The following RIPOR2 variants were observed in gnomAD, a reference collection of about 807,000 sequenced individuals.
RIPOR2 encodes RHO family interacting cell polarization regulator 2.
A neutral mutation model predicts 114.5 loss-of-function variants in RIPOR2; 39 were observed. That is an observed-to-expected ratio of 0.34 (90% CI 0.26 to 0.44). The LOEUF is 0.44. Among genes scored for constraint, RIPOR2 ranks in the 20% least tolerant of loss-of-function variants. The probability of loss-of-function intolerance (pLI) is 1.00; values close to 1 mark genes in which losing one functional copy is unlikely to be tolerated. For missense variants in RIPOR2, 1,007 were observed against 1,255.1 expected, an observed-to-expected ratio of 0.80 and a Z score of 2.99; for synonymous variants, 445 against 484.4, an observed-to-expected ratio of 0.92 and a Z score of 1.07.
At chr6:24,848,454 T>C (rs1762536358) in intron 11 of RIPOR2, among the ~76,000 whole-genome samples, 1 of 152,192 alleles carries the variant, frequency 6.6e-6, no homozygotes, top group Non-Finnish European at 1.5e-5. Context: ...AATTTATGAA[T>C]GCTTGCTTCG....
At chr6:24,902,494 C>T (rs898515382) in intron 1 of RIPOR2, among the ~76,000 whole-genome samples, 5 of 152,062 alleles carry the variant, frequency 3.3e-5, no homozygotes, top group South Asian at 4.2e-4. Flanking sequence ...AGGGATTACA[C>T]GCGCAAGCCA....
chr6:24,982,537 C>T lies in RIPOR2; in HGVS notation c.76+59314G>A, dbSNP rs367726425. Among the ~76,000 whole-genome samples the T allele has an allele frequency of 2.6e-4, 40 of 152,276 alleles. 2 individuals carry two copies. The South Asian group carries it at 7.3e-3, about 28-fold the overall frequency. On this transcript the variant is annotated intron_variant, in intron 1 of 13. Transcript: ENST00000510784. ...AGTGAGCTTATCACTTATTCAGGCA[C>T]CAAATATTTATTAAGCCAAGAACAT...
intron 1 of RIPOR2, among the ~76,000 whole-genome samples, chr6:24,908,291 C>T (rs1769192189): frequency 6.6e-6 from 1 of 152,218 alleles, no homozygotes; most frequent in Admixed American, 6.5e-5. Flanking sequence ...CTTCTGACTT[C>T]TTTTCAGAAT....
chr6:24,871,209 G>A (rs543224658), intron 4 of RIPOR2, among the ~76,000 whole-genome samples: 29 of 151,882 alleles, frequency 1.9e-4, no homozygotes, highest in Admixed American at 1.4e-3. Context: ...GAGCTCTCCC[G>A]TCCTACCTAT....
intron 1 of RIPOR2, among the ~76,000 whole-genome samples, chr6:24,999,448 C>A (rs953955327): frequency 3.3e-5 from 5 of 152,156 alleles, no homozygotes; most frequent in African/African-American, 1.2e-4. Context: ...AGGTAGCAAC[C>A]CCAAACCCCC....
At chr6:25,016,489 C>A (rs1297909540) in intron 1 of RIPOR2, among the ~76,000 whole-genome samples, 1 of 152,164 alleles carries the variant, frequency 6.6e-6, no homozygotes, top group East Asian at 1.9e-4. Context: ...TTTGTTACTG[C>A]ACTTAAGCAT....
chr6:25,001,862 G>A (rs571286637), intron 1 of RIPOR2, among the ~76,000 whole-genome samples: 2 of 151,462 alleles, frequency 1.3e-5, no homozygotes, highest in East Asian at 4.0e-4. Context: ...ACCATGCCTG[G>A]CTATTTTTTT....
chr6:24,832,520 G>A (rs566542110), intron 15 of RIPOR2, 129 bp from the exon 16 acceptor site: 8 of 783,994 alleles, frequency 1.0e-5, no homozygotes, highest in East Asian at 5.4e-5. Flanking sequence ...CTTCCAGCTC[G>A]ATAATGATCC....
At chr6:24,981,559 G>A (rs1774297119) in intron 1 of RIPOR2, among the ~76,000 whole-genome samples, 1 of 152,204 alleles carries the variant, frequency 6.6e-6, no homozygotes, top group South Asian at 2.1e-4. Context: ...GGAACTGGGA[G>A]TATAAATCTG....
chr6:24,939,322 A>G (rs182371393), upstream of RIPOR2, among the ~76,000 whole-genome samples: 3 of 152,324 alleles, frequency 2.0e-5, no homozygotes, highest in East Asian at 1.9e-4. Context: ...AAGTGACTAG[A>G]CAAAGGAGGC....
intron 18 of RIPOR2, among the ~76,000 whole-genome samples, chr6:24,827,529 A>C (rs1229541147): frequency 1.3e-5 from 2 of 152,228 alleles, no homozygotes; most frequent in African/African-American, 4.8e-5. Flanking sequence ...GGGAACCAGA[A>C]ACCAGCCCCT....
intron 9 of RIPOR2, among the ~76,000 whole-genome samples, chr6:24,851,602 T>C (rs1446466847): frequency 1.3e-5 from 2 of 152,194 alleles, no homozygotes; most frequent in Non-Finnish European, 2.9e-5. Context: ...ATGAAATGGT[T>C]ATATAAGTTT....
At position 24,835,856 on chromosome 6, in the gene RIPOR2, G is replaced by A; in HGVS notation, c.2055C>T (p.His685=). The change falls in exon 15 of 22, where the codon CAC becomes CAT. Residue 685 remains histidine (H), a synonymous_variant. Transcript: ENST00000643898. Reference sequence around the variant, plus strand: ...CACTGAGATGCCCCCTGGCTTCTGGGTGAACCGACCTGTAACTATTGAAGG... The same window carrying A: ...CACTGAGATGCCCCCTGGCTTCTGGATGAACCGACCTGTAACTATTGAAGG... The part of the protein sequence containing the change: ...ETEKHSYRSV[H]PEARGHLSEA... 1 of 1,551,546 alleles carries A rather than the reference G, an allele frequency of 6.4e-7. No homozygotes were observed. The highest frequency in any genetic ancestry group is 8.7e-7 in the Non-Finnish European group (1 of 1,146,964).
At position 24,805,123 on chromosome 6, in the gene RIPOR2, C is replaced by T. The variant is rs906676209; in HGVS notation, c.*1250G>A. 2 of 152,038 alleles carry T rather than the reference C, an allele frequency of 1.3e-5. No individual in the cohort carries two copies. The highest frequency in any genetic ancestry group is 2.4e-5 in the African/African-American group (1 of 41,396). The allele number at this position is 152,038 out of a possible 1,614,324, so 9.4% of individuals were successfully genotyped here. On this transcript the variant is annotated 3_prime_UTR_variant, in exon 22 of 22. Transcript: ENST00000643898. ...TAGGATTTCTCTGACTTCTAGGTTC[C>T]TCCACCTCAAAGAGCATCACAGGTT...
At chr6:24,855,438 A>G (rs1581611282) in intron 8 of RIPOR2, among the ~76,000 whole-genome samples, 1 of 152,266 alleles carries the variant, frequency 6.6e-6, no homozygotes, top group East Asian at 1.9e-4. Flanking sequence ...GTGTTTAAAT[A>G]GAGATTGAAG....
At chr6:24,835,931 T>G (rs1761071245) in intron 14 of RIPOR2, 60 bp from the exon 15 acceptor site, 1 of 1,516,464 alleles carries the variant, frequency 6.6e-7, no homozygotes, top group Non-Finnish European at 8.9e-7. Context: ...ACAGGTCAAG[T>G]CCACATGGTT....
intron 14 of RIPOR2, among the ~76,000 whole-genome samples, chr6:24,836,426 C>T (rs1015735916): frequency 1.3e-5 from 2 of 152,178 alleles, no homozygotes; most frequent in African/African-American, 4.8e-5. Flanking sequence ...TTAGTTCTGC[C>T]TCTGACGTTT....
intron 1 of RIPOR2, among the ~76,000 whole-genome samples, chr6:25,021,151 A>G (rs9358821): frequency 0.21 from 31,946 of 152,192 alleles, 4,315 homozygotes; most frequent in East Asian, 0.64. Flanking sequence ...GAGCCACTGC[A>G]TCCAGCTAGT....
At chr6:24,830,863 GCAC>G (rs1760621112) in intron 16 of RIPOR2, among the ~76,000 whole-genome samples, 193 bp from the exon 17 acceptor site, 1 of 152,016 alleles carries the variant, frequency 6.6e-6, no homozygotes, top group African/African-American at 2.4e-5. Context: ...TTACAAGCAT[GCAC>G]CACCACACCT....
Sources: gnomAD v4.1 joint callset for allele counts (sites outside exome capture counted in the v4.1 genomes callset) on GRCh38, gnomAD v4.1.1 for gene constraint, MANE v1.5 for transcripts, NCBI Gene and HGNC (gene_info 2026-07-23, HGNC 2026-07-21) for gene names.